Variants in CTNNA2 observed in about 807,000 individuals in gnomAD.
CTNNA2 encodes catenin alpha 2.
A neutral mutation model predicts 101.0 loss-of-function variants in CTNNA2; 42 were observed. That is an observed-to-expected ratio of 0.42 (90% confidence interval 0.32 to 0.54). The LOEUF is 0.54. Ranked by LOEUF, CTNNA2 falls within the 20% of genes least tolerant of loss-of-function variation. CTNNA2 has a pLI of 0.14. For synonymous variants in CTNNA2, 450 were observed against 456.4 expected (o/e 0.99, Z 0.18); for missense variants, 871 against 1,223.1 (o/e 0.71, Z 4.29).
At chr2:79,944,833 T>C (rs1332432439) in intron 7 of CTNNA2, among the ~76,000 whole-genome samples, 3 of 152,152 alleles carry the variant, frequency 2.0e-5, no homozygotes, top group Non-Finnish European at 4.4e-5. Context: ...AATGACAGCA[T>C]TGTTTTAAAC....
upstream of CTNNA2, among the ~76,000 whole-genome samples, chr2:79,512,716 G>A (rs1558688546): frequency 1.3e-5 from 2 of 151,776 alleles, no homozygotes; most frequent in East Asian, 3.9e-4. Context: ...CTTCGCCGCC[G>A]TCCCCTCCCC....
At chr2:79,286,343 T>C (rs1361999541) in intron 2 of CTNNA2, among the ~76,000 whole-genome samples, 1 of 152,242 alleles carries the variant, frequency 6.6e-6, no homozygotes, top group African/African-American at 2.4e-5. Flanking sequence ...GGTTTCTTCC[T>C]AGTCTTGATG....
intron 9 of CTNNA2, among the ~76,000 whole-genome samples, chr2:80,423,976 G>T (rs1019308054): frequency 2.6e-5 from 4 of 151,248 alleles, no homozygotes; most frequent in African/African-American, 9.7e-5. Flanking sequence ...TTTTTTTTGA[G>T]ATGGAGTCTC....
chr2:80,062,122 G>C (rs977317541), intron 7 of CTNNA2, among the ~76,000 whole-genome samples: 5 of 152,140 alleles, frequency 3.3e-5, no homozygotes, highest in African/African-American at 1.2e-4. Flanking sequence ...ATCAGTTTGG[G>C]TTCAGAAGAA....
upstream of CTNNA2, among the ~76,000 whole-genome samples, chr2:79,510,799 A>T (rs1315874320): frequency 1.3e-5 from 2 of 152,252 alleles, no homozygotes; most frequent in African/African-American, 4.8e-5. Flanking sequence ...TTTAGAAATG[A>T]CTTTTAAATG....
At chr2:79,600,148 G>A (rs7597183) in intron 1 of CTNNA2, among the ~76,000 whole-genome samples, 21,996 of 151,866 alleles carry the variant, frequency 0.14, 2,565 homozygotes, top group African/African-American at 0.33. Context: ...GAACTACACC[G>A]AGAGATAGTG....
At chr2:79,721,519 G>A (rs1686489777) in intron 2 of CTNNA2, among the ~76,000 whole-genome samples, 1 of 152,142 alleles carries the variant, frequency 6.6e-6, no homozygotes, top group African/African-American at 2.4e-5. Context: ...TGAAATGTGG[G>A]GGACATATTC....
intron 7 of CTNNA2, among the ~76,000 whole-genome samples, chr2:79,986,857 C>A (rs1440011009): frequency 6.6e-6 from 1 of 152,132 alleles, no homozygotes. Flanking sequence ...ACTTCCAGGG[C>A]CTCTGTTTAC....
At chr2:79,551,976 C>A (rs1674131218) in intron 1 of CTNNA2, among the ~76,000 whole-genome samples, 1 of 152,130 alleles carries the variant, frequency 6.6e-6, no homozygotes, top group Non-Finnish European at 1.5e-5. Flanking sequence ...CATATCATTT[C>A]ACCTCTGGCC....
chr2:80,403,033 T>C (rs750440297), intron 8 of CTNNA2, among the ~76,000 whole-genome samples: 9 of 152,018 alleles, frequency 5.9e-5, no homozygotes, highest in Non-Finnish European at 2.9e-5. Context: ...ATAAATAATA[T>C]TGTGTGCAAC....
intron 12 of CTNNA2, among the ~76,000 whole-genome samples, chr2:80,566,024 CAG>C (rs1694028640): frequency 6.6e-6 from 1 of 152,074 alleles, no homozygotes; most frequent in Non-Finnish European, 1.5e-5. Flanking sequence ...TACAATTAAA[CAG>C]AAATTTTCAT....
At chr2:79,469,457 G>A (rs1356883184) in intron 4 of CTNNA2, among the ~76,000 whole-genome samples, 4 of 152,142 alleles carry the variant, frequency 2.6e-5, no homozygotes, top group Non-Finnish European at 5.9e-5. Flanking sequence ...GGTACAAGGA[G>A]GAGCTGGTAC....
chr2:79,190,836 C>T (rs578128622), intron 1 of CTNNA2, among the ~76,000 whole-genome samples: 1 of 152,222 alleles, frequency 6.6e-6, no homozygotes, highest in South Asian at 2.1e-4. Context: ...TTTAATAAGC[C>T]AGGGGGAGCT....
At chr2:79,447,265 C>G (rs1678843351) in intron 4 of CTNNA2, among the ~76,000 whole-genome samples, 1 of 151,938 alleles carries the variant, frequency 6.6e-6, no homozygotes, top group Non-Finnish European at 1.5e-5. Context: ...AATTATCTCT[C>G]CTGTTTCCTC....
chr2:79,487,348 A>T (rs938988823), intron 4 of CTNNA2, among the ~76,000 whole-genome samples: 4 of 152,240 alleles, frequency 2.6e-5, no homozygotes, highest in Admixed American at 1.3e-4. Context: ...TCATATAAAC[A>T]TGCTGCTTCT....
At chr2:79,780,717 C>T (rs1451993757) in intron 3 of CTNNA2, among the ~76,000 whole-genome samples, 3 of 152,128 alleles carry the variant, frequency 2.0e-5, no homozygotes, top group African/African-American at 7.2e-5. Flanking sequence ...AAGACAGTGC[C>T]ATCTATTATA....
chr2:79,920,103 G>A (rs918990760), intron 7 of CTNNA2, among the ~76,000 whole-genome samples: 1 of 152,164 alleles, frequency 6.6e-6, no homozygotes, highest in African/African-American at 2.4e-5. Context: ...TGTAATCCCA[G>A]CTACTTGGGA....
intron 7 of CTNNA2, among the ~76,000 whole-genome samples, chr2:79,989,464 A>C (rs1692012474): frequency 6.9e-6 from 1 of 144,830 alleles, no homozygotes; most frequent in Admixed American, 6.7e-5. Context: ...TCTATACAAA[A>C]ACAAACAAAC....
intron 7 of CTNNA2, among the ~76,000 whole-genome samples, chr2:79,996,338 T>C (rs1039483407): frequency 1.3e-5 from 2 of 152,186 alleles, no homozygotes; most frequent in African/African-American, 2.4e-5. Context: ...TGCTTGATAT[T>C]TGGCCTCCTC....
Sources: gnomAD v4.1 joint callset for allele counts (sites outside exome capture counted in the v4.1 genomes callset) on GRCh38, gnomAD v4.1.1 for gene constraint, MANE v1.5 for transcripts, NCBI Gene and HGNC (gene_info 2026-07-23, HGNC 2026-07-21) for gene names.